CHURC1: variants seen among roughly 807,000 people sequenced by gnomAD.
CHURC1 encodes protein Churchill.
CHURC1 carries 12 observed loss-of-function variants against 15.4 expected under a neutral mutation model. The ratio of observed to expected loss-of-function variants is 0.78; its 90% CI spans 0.50 to 1.27. CHURC1 has a LOEUF of 1.27. Among genes scored for constraint, CHURC1 ranks in the 50% most tolerant of loss-of-function variants. The pLI is 0.00. For synonymous variants in CHURC1, 42 were observed against 47.5 expected, an observed-to-expected ratio of 0.88 and a Z score of 0.48; for missense variants, 132 against 137.8, an observed-to-expected ratio of 0.96 and a Z score of 0.21.
At chr14:64,930,973 T>C (rs1885048202) in intron 3 of CHURC1, 1 of 386,154 alleles carries the variant, frequency 2.6e-6, no homozygotes, top group African/African-American at 2.1e-5. Context: ...GAAAAGGCAG[T>C]TGCCTGCTTC....
chr14:64,933,408 T>C lies in CHURC1; in HGVS notation c.*1178T>C, dbSNP rs945867351. On this transcript the variant is annotated 3_prime_UTR_variant, in exon 4 of 4. Coordinates refer to ENST00000549115, the MANE Select transcript of CHURC1 (RefSeq NM_001386928.1). Reference sequence around the variant, plus strand: ...GCTTTAAAGGGATTTTAGAATATCTTACTTTGCATAGTTTCATGAGCACTG... The same window carrying C: ...GCTTTAAAGGGATTTTAGAATATCTCACTTTGCATAGTTTCATGAGCACTG... 1 of 985,486 alleles carries C rather than the reference T, an allele frequency of 1.0e-6. No individual in the cohort carries two copies. The highest frequency in any genetic ancestry group is 1.2e-6 in the Non-Finnish European group (1 of 829,950). The allele number at this position is 985,486 out of a possible 1,614,324, so 61.0% of individuals were successfully genotyped here.
Position 64,934,424 on chromosome 14 carries a change from T to TA in CHURC1, c.*2195dup. 1 of 984,834 alleles carries TA rather than the reference T, an allele frequency of 1.0e-6. No individual in the cohort carries two copies. Among genetic ancestry groups the TA allele is most frequent in the Non-Finnish European group, 1.2e-6 (1 of 829,406 alleles). 61.0% of individuals were successfully genotyped at this position (984,834 alleles called of 1,614,324 possible). A position where few individuals can be genotyped will look rare whatever the true frequency, so the allele number is the denominator to read the frequency against. On this transcript the variant is annotated 3_prime_UTR_variant, in exon 4 of 4. Coordinates refer to ENST00000549115, the MANE Select transcript of CHURC1 (RefSeq NM_001386928.1). ...TTTAAGATCACACAGCTAGTGCAGTTACCCCCTCTCAGTAATTATGTTTGG... is the reference window on the plus strand; with the variant it reads ...TTTAAGATCACACAGCTAGTGCAGTTAACCCCCTCTCAGTAATTATGTTTGG...
rs1403199924 is a variant in CHURC1, at chr14:64,933,112, A to C, written c.*882A>C. ...AACTCAGAACCCAAGTCTGATCAGG[A>C]GAAAAACATCACACAAATTCCAATT... On this transcript the variant is annotated 3_prime_UTR_variant, in exon 4 of 4. Coordinates refer to ENST00000549115, the MANE Select transcript of CHURC1 (RefSeq NM_001386928.1). The C allele has an allele frequency of 6.5e-6, 1 of 153,182 alleles. No homozygotes were observed. Among genetic ancestry groups the C allele is most frequent in the Non-Finnish European group, 1.5e-5 (1 of 68,830 alleles). 9.5% of individuals were successfully genotyped at this position (153,182 alleles called of 1,614,324 possible).
Position 64,926,059 on chromosome 14 carries a change from C to G in CHURC1, c.225C>G (p.Phe75Leu). 6.3e-7 allele frequency: 1 copy of G among 1,599,064 alleles called. No homozygotes were observed. The highest frequency in any genetic ancestry group is 8.5e-7 in the Non-Finnish European group (1 of 1,173,462). Residue 75 changes from phenylalanine to leucine, a missense_variant, in exon 3 of 4, where the codon TTC (phenylalanine) becomes TTG (leucine). Physicochemically the swap from Phe to Leu is conservative, Grantham distance 22. Transcript: ENST00000549115. Reference sequence around the variant, plus strand: ...TAATAGCCAGACATGAGTATACATTCAGTATCATGGATGAATTTCAGGTAA... The same window carrying G: ...TAATAGCCAGACATGAGTATACATTGAGTATCATGGATGAATTTCAGGTAA... ...HHVIARHEYT[F>L]SIMDEFQEYT...
chr14:64,917,445 C>T (rs1190114523), intron 1 of CHURC1, among the ~76,000 whole-genome samples: 6 of 151,620 alleles, frequency 4.0e-5, no homozygotes, highest in Non-Finnish European at 8.8e-5. Context: ...CGCCTGTAAT[C>T]CCAGCTACTT....
Position 64,919,704 on chromosome 14 carries a change from G to A in CHURC1, c.40-4287G>A, listed in dbSNP as rs1024996978. 2.6e-5 allele frequency among the ~76,000 whole-genome samples: 4 copies of A among 152,046 alleles called. No individual in the cohort carries two copies. In the East Asian group the frequency reaches 7.8e-4, roughly 30 times the overall value. On this transcript the variant is annotated intron_variant, in intron 1 of 3. Coordinates refer to ENST00000549115, the MANE Select transcript of CHURC1 (RefSeq NM_001386928.1). The stretch of plus-strand genomic sequence containing the variant: ...TTGAGACCAGCCTGGCCAACATGGT[G>A]AAACCCTGTTTCTACCAAACAATGC...
rs959258397 is a variant in CHURC1 at position 64,931,361 on chromosome 14, C to T, written c.247-777C>T. ...CCACCCTGGGCAACATAGTGAGACC[C>T]CATCTCTACAAAAAATTTAAAAATT... On this transcript the variant is annotated intron_variant, in intron 3 of 3. Coordinates refer to ENST00000549115, the MANE Select transcript of CHURC1 (RefSeq NM_001386928.1). 4.0e-5 allele frequency among the ~76,000 whole-genome samples: 6 copies of T among 151,890 alleles called. No homozygotes were observed. In the East Asian group the frequency reaches 7.7e-4, roughly 20 times the overall value.
At chr14:64,927,721 C>CGA (rs1555383705) in intron 3 of CHURC1, among the ~76,000 whole-genome samples, 1 of 88,752 alleles carries the variant, frequency 1.1e-5, no homozygotes, top group Non-Finnish European at 2.3e-5. Flanking sequence ...CCCCCACCCC[C>CGA]CCCCCCGCCG....
chr14:64,931,515 C>T (rs996354865), intron 3 of CHURC1, among the ~76,000 whole-genome samples: 4 of 151,808 alleles, frequency 2.6e-5, no homozygotes, highest in Non-Finnish European at 5.9e-5. Flanking sequence ...ATCTGGGCAA[C>T]ACAGTGATAC....
chr14:64,925,341 A>G (rs73281722), intron 2 of CHURC1, among the ~76,000 whole-genome samples: 5,455 of 152,260 alleles, frequency 0.036, 204 homozygotes, highest in African/African-American at 0.094. Flanking sequence ...AGCACAGTTT[A>G]TATTATTCAT....
At position 64,925,506 on chromosome 14, in the gene CHURC1, C is replaced by G. The variant is rs531706540; in HGVS notation, c.176-504C>G. ...TGCTCAACATAGTGAGACCTCACCT[C>G]TACAAAAATTCAAAAAAATTAGCTG... On this transcript the variant is annotated intron_variant, in intron 2 of 3. Transcript: ENST00000549115. Among the ~76,000 whole-genome samples, 344 of 151,960 alleles carry G rather than the reference C, an allele frequency of 2.3e-3. 2 individuals are homozygous for G. Among genetic ancestry groups the G allele is most frequent in the African/African-American group, 7.9e-3 (327 of 41,466 alleles).
chr14:64,927,002 GA>G (rs1312097954), intron 3 of CHURC1, among the ~76,000 whole-genome samples: 1 of 152,130 alleles, frequency 6.6e-6, no homozygotes, highest in Non-Finnish European at 1.5e-5. Context: ...TATTTTGTGT[GA>G]ACTACATATT....
rs767232190 is a variant in CHURC1, at chr14:64,914,503, G to T, written c.8G>T (p.Gly3Val). ...CCTGTTGACTGCGTCGCGATGTGTG[G>T]CGACTGTGTGGAGAAGGAATATCCC... is the stretch of plus-strand genomic sequence containing the variant. MC[G>V]DCVEKEYPNR... is the part of the protein sequence containing the mutation. The change falls in exon 1 of 4, where the codon GGC (glycine) becomes GTC (valine). Residue 3 changes from glycine to valine, a missense_variant. By Grantham distance (109) the Gly-to-Val change is moderately radical (BLOSUM62 -3). Coordinates refer to ENST00000549115, the MANE Select transcript of CHURC1 (RefSeq NM_001386928.1). The T allele has an allele frequency of 6.2e-7, 1 of 1,614,278 alleles. No homozygotes were observed. The highest frequency in any genetic ancestry group is 1.1e-5 in the South Asian group (1 of 91,092).
intron 2 of CHURC1, among the ~76,000 whole-genome samples, chr14:64,925,755 T>A (rs1884647627): frequency 6.8e-6 from 1 of 146,268 alleles, no homozygotes; most frequent in Admixed American, 6.7e-5. Context: ...CACTTAAATA[T>A]GTTTTAACTG....
At position 64,933,945 on chromosome 14, in the gene CHURC1, C is replaced by T. The variant is rs1357519136; in HGVS notation, c.*1715C>T. 2 of 985,242 alleles carry T rather than the reference C, an allele frequency of 2.0e-6. No homozygotes were observed. The highest frequency in any genetic ancestry group is 6.2e-5 in the Admixed American group (1 of 16,256). The allele number at this position is 985,242 out of a possible 1,614,324, so 61.0% of individuals were successfully genotyped here. On this transcript the variant is annotated 3_prime_UTR_variant, in exon 4 of 4. Coordinates refer to ENST00000549115, the MANE Select transcript of CHURC1 (RefSeq NM_001386928.1). ...GGTGCTATTGATAGTTTAGCCATAA[C>T]CAGATATGGCTTGTTATTTGTAAGT... is the stretch of plus-strand genomic sequence containing the variant.
At position 64,934,548 on chromosome 14, in the gene CHURC1, A is replaced by G. The variant is rs1885239258; in HGVS notation, c.*2318A>G. 1.0e-6 allele frequency: 1 copy of G among 985,450 alleles called. No individual in the cohort carries two copies. Among genetic ancestry groups the G allele is most frequent in the Non-Finnish European group, 1.2e-6 (1 of 829,932 alleles). 61.0% of individuals were successfully genotyped at this position (985,450 alleles called of 1,614,324 possible). On this transcript the variant is annotated 3_prime_UTR_variant, in exon 4 of 4. Transcript: ENST00000549115. ...TGGGCATGTCAGATGAAGATTTATTATTCAGAAAAGTTAAGTCAGCTGTTG... is the reference window on the plus strand; with the variant it reads ...TGGGCATGTCAGATGAAGATTTATTGTTCAGAAAAGTTAAGTCAGCTGTTG...
chr14:64,918,205 ATAATT>A (rs1232238835), intron 1 of CHURC1, among the ~76,000 whole-genome samples: 3 of 152,246 alleles, frequency 2.0e-5, no homozygotes, highest in African/African-American at 7.2e-5. Flanking sequence ...CTGTTCTAAA[ATAATT>A]AAAAGACTGT....
At chr14:64,930,679 G>GT in intron 3 of CHURC1, 2 of 368,704 alleles carry the variant, frequency 5.4e-6, no homozygotes, top group South Asian at 4.2e-5. Flanking sequence ...TGCAGAGCAT[G>GT]TAGGCACTCA....
chr14:64,920,187 CAT>C (rs1189404089), intron 1 of CHURC1, among the ~76,000 whole-genome samples: 1 of 152,148 alleles, frequency 6.6e-6, no homozygotes, highest in Non-Finnish European at 1.5e-5. Flanking sequence ...AACATACTCT[CAT>C]ATTAATTATT....
Sources: allele counts gnomAD v4.1 joint callset (sites outside exome capture counted in the v4.1 genomes callset), GRCh38; gene constraint gnomAD v4.1.1; transcripts MANE v1.5; gene names NCBI Gene and HGNC (gene_info 2026-07-23, HGNC 2026-07-21).